FRMD4B: variants seen among roughly 807,000 people sequenced by gnomAD.
FRMD4B encodes the protein FERM domain-containing protein 4B.
Under a neutral mutation model 141.5 loss-of-function variants are expected in FRMD4B, and 74 were observed. That is an observed-to-expected ratio of 0.52 (90% CI 0.43 to 0.63). The LOEUF (loss-of-function observed/expected upper bound fraction) is 0.63, where lower values mean the gene tolerates loss of function less well. Ranked by LOEUF, FRMD4B falls within the 30% of genes least tolerant of loss-of-function variation. The pLI is 0.00. For synonymous variants in FRMD4B, 506 were observed against 467.9 expected (o/e 1.08, Z -1.05); for missense variants, 1,366 against 1,253.4 (o/e 1.09, Z -1.36).
At position 69,444,723 on chromosome 3, in the gene FRMD4B, T is replaced by C. The variant is rs114328984; in HGVS notation, c.-128-11962A>G. ...ACAGGATTTTCACAAGCTAAGATGA[T>C]TGCTTCTGTTTCAGTGCTATGTTCA... is the stretch of plus-strand genomic sequence containing the variant. On this transcript the variant is annotated intron_variant, in intron 1 of 5. Coordinates refer to the FRMD4B transcript ENST00000459638. 3.0e-3 allele frequency among the ~76,000 whole-genome samples: 453 copies of C among 152,304 alleles called. 2 individuals are homozygous for C. The highest frequency in any genetic ancestry group is 0.011 in the African/African-American group (447 of 41,560).
intron 1 of FRMD4B, among the ~76,000 whole-genome samples, chr3:69,343,417 C>T (rs532492302): frequency 6.6e-6 from 1 of 152,072 alleles, no homozygotes; most frequent in African/African-American, 2.4e-5. Flanking sequence ...AAAACAGAAC[C>T]TTTAACCACG....
chr3:69,244,405 T>C (rs558584952), intron 7 of FRMD4B, among the ~76,000 whole-genome samples: 11 of 152,224 alleles, frequency 7.2e-5, no homozygotes, highest in Non-Finnish European at 1.6e-4. Flanking sequence ...TGGTCAGTCA[T>C]TGTTTTTACT....
Position 69,323,046 on chromosome 3 carries a change from A to G in FRMD4B, c.163-9529T>C, listed in dbSNP as rs1346407351. ...GCAGGTTCACTGGAAGTGGAGAAGG[A>G]AAAAGACAATGAGGGAGGGAGAAAA... On this transcript the variant is annotated intron_variant, in intron 1 of 22. Coordinates refer to ENST00000398540, the MANE Select transcript of FRMD4B (RefSeq NM_015123.3). The G allele has an allele frequency of 4.2e-6, 4 of 962,086 alleles. No individual in the cohort carries two copies. The African/African-American group carries it at 7.0e-5, about 17-fold the overall frequency. 59.6% of individuals were successfully genotyped at this position (962,086 alleles called of 1,614,324 possible). A position where few individuals can be genotyped will look rare whatever the true frequency, so the allele number is the denominator to read the frequency against.
chr3:69,272,519 C>A (rs2093599075), intron 5 of FRMD4B, among the ~76,000 whole-genome samples: 2 of 152,288 alleles, frequency 1.3e-5, no homozygotes, highest in South Asian at 4.1e-4. Flanking sequence ...GTTACTAATC[C>A]TTTAAATTAT....
At chr3:69,541,583 G>C (rs1032397565) in intron 1 of FRMD4B, among the ~76,000 whole-genome samples, 3 of 152,152 alleles carry the variant, frequency 2.0e-5, no homozygotes, top group Admixed American at 6.5e-5. Flanking sequence ...TATTCCAAAC[G>C]AAATGGCATT....
chr3:69,479,373 C>T (rs1302398652), intron 1 of FRMD4B, among the ~76,000 whole-genome samples: 1 of 152,026 alleles, frequency 6.6e-6, no homozygotes, highest in African/African-American at 2.4e-5. Context: ...TTTAGTGTTT[C>T]CTTCAGGAGC....
rs1449277413 is a variant in FRMD4B, at chr3:69,522,869, T to C, written c.-129+19337A>G. ...AGTCCAGCACATAGCAAGGTGGGCCTGGAGATGAGAACCAATAGCTAAATA... is the reference window on the plus strand; with the variant it reads ...AGTCCAGCACATAGCAAGGTGGGCCCGGAGATGAGAACCAATAGCTAAATA... On this transcript the variant is annotated intron_variant, in intron 1 of 5. Coordinates refer to the FRMD4B transcript ENST00000459638. 6.6e-5 allele frequency among the ~76,000 whole-genome samples: 10 copies of C among 152,150 alleles called. 1 individual carries two copies.
chr3:69,427,641 ATGTT>A (rs1705105537), intron 2 of FRMD4B, among the ~76,000 whole-genome samples: 1 of 74,550 alleles, frequency 1.3e-5, no homozygotes, highest in African/African-American at 5.3e-5. Context: ...AGCTAGGTAA[ATGTT>A]TTTTTTTTTT....
At chr3:69,267,587 GTGTGTGTGTATATATATA>G (rs1307068386) in intron 5 of FRMD4B, among the ~76,000 whole-genome samples, 26 of 53,704 alleles carry the variant, frequency 4.8e-4, no homozygotes, top group Admixed American at 9.4e-4. Flanking sequence ...ATGTGTGTGT[GTGTGTGTGTATATATATA>G]TATATATATA....
At chr3:69,186,503 G>C (rs1459906576) in intron 19 of FRMD4B, among the ~76,000 whole-genome samples, 1 of 152,122 alleles carries the variant, frequency 6.6e-6, no homozygotes. Context: ...CCTGAGGTCA[G>C]GAGTTCAAGA....
At chr3:69,333,499 T>C (rs1702447838) in intron 1 of FRMD4B, among the ~76,000 whole-genome samples, 1 of 152,236 alleles carries the variant, frequency 6.6e-6, no homozygotes, top group Non-Finnish European at 1.5e-5. Context: ...TTCAGTTTTG[T>C]TCCATTACAA....
chr3:69,454,282 T>C (rs1323318617), intron 1 of FRMD4B, among the ~76,000 whole-genome samples: 1 of 152,270 alleles, frequency 6.6e-6, no homozygotes, highest in East Asian at 1.9e-4. Flanking sequence ...GACAGCGTGC[T>C]GGCAGCCCTC....
At chr3:69,310,399 T>C (rs1006404544) in intron 3 of FRMD4B, 11 of 449,154 alleles carry the variant, frequency 2.4e-5, no homozygotes, top group African/African-American at 1.8e-4. Flanking sequence ...ACATATTTTA[T>C]GTCTGGAACA....
At chr3:69,503,878 A>G (rs1005686973) in intron 1 of FRMD4B, among the ~76,000 whole-genome samples, 7 of 152,212 alleles carry the variant, frequency 4.6e-5, no homozygotes, top group Admixed American at 3.3e-4. Flanking sequence ...CTGTAAAATG[A>G]TAACAGTTAC....
chr3:69,291,676 G>T (rs1700879927), intron 4 of FRMD4B, among the ~76,000 whole-genome samples: 1 of 152,198 alleles, frequency 6.6e-6, no homozygotes, highest in Non-Finnish European at 1.5e-5. Flanking sequence ...ATCAAAGATG[G>T]TTGGAGCCTA....
At chr3:69,208,390 G>T (rs1156749854) in intron 11 of FRMD4B, among the ~76,000 whole-genome samples, 2 of 152,024 alleles carry the variant, frequency 1.3e-5, no homozygotes, top group Non-Finnish European at 2.9e-5. Context: ...AGTAGAGATA[G>T]GGTTTCACCA....
chr3:69,344,327 A>G (rs1702854753), intron 1 of FRMD4B, among the ~76,000 whole-genome samples: 1 of 152,208 alleles, frequency 6.6e-6, no homozygotes, highest in East Asian at 1.9e-4. Context: ...ATCAGTGGAA[A>G]GGAAGAAAGA....
chr3:69,426,529 A>G lies in FRMD4B; in HGVS notation c.-1+6105T>C, dbSNP rs138833906. Among the ~76,000 whole-genome samples, 10 of 152,292 alleles carry G rather than the reference A, an allele frequency of 6.6e-5. No individual in the cohort carries two copies. In the East Asian group the frequency reaches 1.9e-3, roughly 29 times the overall value. ...TATTGTGAGACCCGTTCTGAGTTCT[A>G]CAAAGAAAGGGTGCTGTGTTGATTA... On this transcript the variant is annotated intron_variant, in intron 2 of 5. Transcript: ENST00000459638.
intron 1 of FRMD4B, among the ~76,000 whole-genome samples, chr3:69,456,623 C>G (rs1705619593): frequency 6.6e-6 from 1 of 151,608 alleles, no homozygotes; most frequent in Non-Finnish European, 1.5e-5. Context: ...GGGTCCTTGT[C>G]TGTCTTGTTC....
Sources: allele counts gnomAD v4.1 joint callset (sites outside exome capture counted in the v4.1 genomes callset), GRCh38; gene constraint gnomAD v4.1.1; transcripts MANE v1.5; gene names NCBI Gene and HGNC (gene_info 2026-07-23, HGNC 2026-07-21).